NEK10: variants seen among roughly 807,000 people sequenced by gnomAD.
NEK10 encodes the protein serine/threonine-protein kinase Nek10.
Under a neutral mutation model 159.8 loss-of-function variants are expected in NEK10, and 122 were observed. The observed-to-expected ratio is 0.76, with a 90% CI of 0.66 to 0.89. The LOEUF is 0.89. NEK10 is among the 40% of genes least tolerant of loss of function. The pLI is 0.00. For missense variants in NEK10, 1,342 were observed against 1,323.1 expected (o/e 1.01, Z -0.22); for synonymous variants, 466 against 457.1 (o/e 1.02, Z -0.25).
chr3:27,256,440 G>A (rs1956183828), intron 22 of NEK10, 69 bp from the exon 23 acceptor site: 1 of 854,976 alleles, frequency 1.2e-6, no homozygotes. Flanking sequence ...CTTAGCATTT[G>A]ACAATCTACA....
chr3:27,226,560 C>T lies in NEK10; in HGVS notation c.2091-24003G>A, dbSNP rs192322835. ...GCAAAGTGGGCTAAATGCTTTTTAA[C>T]TCTGGGTCACCTCTTTCTAGCCCTC... On this transcript the variant is annotated intron_variant, in intron 23 of 35. Transcript: ENST00000691995. Among the ~76,000 whole-genome samples the T allele has an allele frequency of 1.9e-3, 282 of 152,282 alleles. 1 individual carries two copies. Among genetic ancestry groups the T allele is most frequent in the African/African-American group, 6.5e-3 (271 of 41,548 alleles).
intron 23 of NEK10, chr3:27,255,220 A>G (rs1956053989): frequency 3.1e-6 from 1 of 327,482 alleles, no homozygotes; most frequent in Non-Finnish European, 6.2e-6. Flanking sequence ...TACTGTTAAG[A>G]GGATAAGTAG....
At chr3:27,290,820 G>T in intron 18 of NEK10, 66 bp from the exon 19 acceptor site, 1 of 1,254,834 alleles carries the variant, frequency 8.0e-7, no homozygotes, top group African/African-American at 1.5e-5. Flanking sequence ...AGAGAAAGAG[G>T]AAGAAAGAGA....
intron 23 of NEK10, among the ~76,000 whole-genome samples, chr3:27,210,531 C>T (rs1242185710): frequency 6.6e-6 from 1 of 152,166 alleles, no homozygotes; most frequent in Non-Finnish European, 1.5e-5. Context: ...TATAACGAGA[C>T]CACCTTCACT....
chr3:27,264,475 G>A (rs2149366326), intron 22 of NEK10, among the ~76,000 whole-genome samples: 1 of 152,220 alleles, frequency 6.6e-6, no homozygotes, highest in South Asian at 2.1e-4. Flanking sequence ...GGAATACAAG[G>A]CTAATTTGAC....
chr3:27,130,216 G>A (rs1575427697), intron 32 of NEK10, among the ~76,000 whole-genome samples: 1 of 152,166 alleles, frequency 6.6e-6, no homozygotes, highest in East Asian at 1.9e-4. Flanking sequence ...AGTCTTTATA[G>A]GAGAGTATAA....
At chr3:27,215,022 G>T (rs1575289159) in intron 23 of NEK10, 1 of 606,984 alleles carries the variant, frequency 1.6e-6, no homozygotes, top group East Asian at 2.8e-5. Flanking sequence ...ACTCCGACCT[G>T]TTCCCCACCG....
At chr3:27,282,716 C>A (rs1559423268) in intron 22 of NEK10, among the ~76,000 whole-genome samples, 1 of 138,052 alleles carries the variant, frequency 7.2e-6, no homozygotes, top group African/African-American at 2.7e-5. Context: ...TATATATATA[C>A]ATAACTGTGT....
intron 30 of NEK10, among the ~76,000 whole-genome samples, chr3:27,145,928 T>C (rs987100808): frequency 1.3e-5 from 2 of 151,662 alleles, no homozygotes; most frequent in Non-Finnish European, 2.9e-5. Context: ...CAGAGGGAGG[T>C]GGTCACCCCC....
chr3:27,206,974 T>C (rs1363547670), intron 23 of NEK10, among the ~76,000 whole-genome samples: 1 of 152,170 alleles, frequency 6.6e-6, no homozygotes, highest in Non-Finnish European at 1.5e-5. Flanking sequence ...CTACTTCCAC[T>C]TCTGCTGCCA....
At chr3:27,185,253 T>C (rs1180985437) in intron 26 of NEK10, among the ~76,000 whole-genome samples, 1 of 152,214 alleles carries the variant, frequency 6.6e-6, no homozygotes, top group Non-Finnish European at 1.5e-5. Flanking sequence ...CAATATCAAA[T>C]TATCATAGGA....
At chr3:27,157,195 G>A (rs1449596895) in intron 30 of NEK10, among the ~76,000 whole-genome samples, 2 of 151,408 alleles carry the variant, frequency 1.3e-5, no homozygotes, top group Non-Finnish European at 2.9e-5. Context: ...AGTGGGAAAG[G>A]GGTGAGGAAT....
chr3:27,314,199 CAT>C, intron 7 of NEK10, 96 bp downstream of exon 7: 4 of 826,362 alleles, frequency 4.8e-6, no homozygotes, highest in South Asian at 2.9e-5. Flanking sequence ...GACAGCATAA[CAT>C]AGGAAAGCCA....
rs1415546489 is a variant in NEK10 at position 27,261,553 on chromosome 3, T to C, written c.2015-5182A>G. Among the ~76,000 whole-genome samples, 4 of 152,368 alleles carry C rather than the reference T, an allele frequency of 2.6e-5. No individual in the cohort carries two copies. The East Asian group carries it at 7.7e-4, about 29-fold the overall frequency. On this transcript the variant is annotated intron_variant, in intron 22 of 35. Transcript: ENST00000691995. Reference sequence around the variant, plus strand: ...AGGTTTTGAGTGAGATTCTTAATCCTGAGTTCTAGTTTGATTGCACTGTGG... The same window carrying C: ...AGGTTTTGAGTGAGATTCTTAATCCCGAGTTCTAGTTTGATTGCACTGTGG...
intron 31 of NEK10, 107 bp downstream of exon 31, chr3:27,141,375 G>A (rs1483265960): frequency 9.2e-6 from 7 of 764,418 alleles, no homozygotes; most frequent in South Asian, 4.1e-5. Context: ...AGCTGGGGAG[G>A]ATAAGAACAA....
chr3:27,278,652 A>C, intron 22 of NEK10: 1 of 958,892 alleles, frequency 1.0e-6, no homozygotes, highest in South Asian at 4.8e-5. Context: ...CCTGAAATCT[A>C]TTAACTATAA....
chr3:27,254,589 A>G (rs9819432), intron 23 of NEK10, among the ~76,000 whole-genome samples: 7,093 of 152,260 alleles, frequency 0.047, 295 homozygotes, highest in African/African-American at 0.11. Flanking sequence ...GCCCAAATTC[A>G]TAGTAAAACC....
intron 5 of NEK10, among the ~76,000 whole-genome samples, chr3:27,331,124 C>T (rs1193753660): frequency 1.3e-5 from 2 of 151,668 alleles, no homozygotes; most frequent in Admixed American, 6.6e-5. Flanking sequence ...GTAATCCCAG[C>T]TACTCGGGAG....
At chr3:27,311,257 A>T (rs74655759) in intron 8 of NEK10, 2 of 342,838 alleles carry the variant, frequency 5.8e-6, no homozygotes, top group Middle Eastern at 1.6e-3. Flanking sequence ...ATACCAAAAA[A>T]GGCAAACCTC....
Sources: allele counts gnomAD v4.1 joint callset (sites outside exome capture counted in the v4.1 genomes callset), GRCh38; gene constraint gnomAD v4.1.1; transcripts MANE v1.5; gene names NCBI Gene and HGNC (gene_info 2026-07-23, HGNC 2026-07-21).